FANCL: variants seen among roughly 807,000 people sequenced by gnomAD.
FANCL encodes E3 ubiquitin-protein ligase FANCL.
Under a neutral mutation model 59.4 loss-of-function variants are expected in FANCL, and 69 were observed. That is an observed-to-expected ratio of 1.16 (90% CI 0.96 to 1.42). The LOEUF is 1.42. Ranked by LOEUF, FANCL falls within the 40% of genes most tolerant of loss-of-function variation. The pLI is 0.00. For synonymous variants in FANCL, 180 were observed against 147.1 expected (o/e 1.22, Z -1.62); for missense variants, 519 against 447.2 (o/e 1.16, Z -1.45).
rs569336959 is a variant in FANCL at position 58,209,177 on chromosome 2, A to G, written c.375-4951T>C. ...TAAGTTTTAGCTTGCCAAACACATA[A>G]TAAACTTTTTAATAAGGAATATGAA... is the stretch of plus-strand genomic sequence containing the variant. On this transcript the variant is annotated intron_variant, in intron 5 of 13. Coordinates refer to ENST00000233741, the MANE Select transcript of FANCL (RefSeq NM_018062.4). Among the ~76,000 whole-genome samples the G allele has an allele frequency of 5.9e-5, 9 of 152,328 alleles. No homozygotes were observed. In the South Asian group the frequency reaches 1.7e-3, roughly 28 times the overall value.
Position 58,241,314 on chromosome 2 carries a change from G to A in FANCL, c.-1C>T, listed in dbSNP as rs773164188. The A allele has an allele frequency of 3.1e-6, 5 of 1,614,076 alleles. No individual in the cohort carries two copies. Among genetic ancestry groups the A allele is most frequent in the Middle Eastern group, 1.7e-4 (1 of 6,054 alleles). On this transcript the variant is annotated 5_prime_UTR_variant, in exon 1 of 14. Transcript: ENST00000233741. Reference sequence around the variant, plus strand: ...ACAGGCTCGCTTCCGTCACCGCCATGGCTCGAAGTCCGGAGAAACACAGAA... The same window carrying A: ...ACAGGCTCGCTTCCGTCACCGCCATAGCTCGAAGTCCGGAGAAACACAGAA...
At position 58,210,622 on chromosome 2, in the gene FANCL, T is replaced by G. The variant is rs954036273; in HGVS notation, c.375-6396A>C. ...AAAGTCCACAGTCCAAAGTCTCATC[T>G]AAGACAAGGCAAGTCTCTTCCACCG... On this transcript the variant is annotated intron_variant, in intron 5 of 13. Transcript: ENST00000233741. 9.8e-5 allele frequency among the ~76,000 whole-genome samples: 15 copies of G among 152,306 alleles called. No homozygotes were observed. The South Asian group carries it at 1.2e-3, about 13-fold the overall frequency.
At chr2:58,191,486 T>C (rs1688913415) in intron 7 of FANCL, among the ~76,000 whole-genome samples, 1 of 151,880 alleles carries the variant, frequency 6.6e-6, no homozygotes, top group Admixed American at 6.6e-5. Context: ...CAACATCTCT[T>C]ATCTCTGTTA....
At chr2:58,194,692 C>T (rs967453446) in intron 7 of FANCL, among the ~76,000 whole-genome samples, 1 of 151,946 alleles carries the variant, frequency 6.6e-6, no homozygotes, top group African/African-American at 2.4e-5. Flanking sequence ...TGTGAGACAC[C>T]TGCACTGGCT....
At chr2:58,180,860 G>A (rs368838149) in intron 7 of FANCL, among the ~76,000 whole-genome samples, 2 of 151,818 alleles carry the variant, frequency 1.3e-5, no homozygotes, top group African/African-American at 4.8e-5. Context: ...AAAAGAAATC[G>A]AAACTTTTCA....
intron 4 of FANCL, among the ~76,000 whole-genome samples, chr2:58,225,348 G>C (rs1020414442): frequency 2.6e-5 from 4 of 151,954 alleles, no homozygotes; most frequent in African/African-American, 9.6e-5. Flanking sequence ...TCCAGTATAA[G>C]CTGTACCTCA....
At chr2:58,190,183 G>A (rs187980488) in intron 7 of FANCL, among the ~76,000 whole-genome samples, 54 of 151,950 alleles carry the variant, frequency 3.6e-4, no homozygotes, top group African/African-American at 8.9e-4. Flanking sequence ...CAAGCAATCC[G>A]TAAAGAACAT....
intron 11 of FANCL, among the ~76,000 whole-genome samples, chr2:58,162,332 G>C (rs1685310175): frequency 6.6e-6 from 1 of 151,886 alleles, no homozygotes; most frequent in Non-Finnish European, 1.5e-5. Context: ...TCCATAAACA[G>C]ACTATGTAGA....
chr2:58,208,540 C>T (rs569582635), intron 5 of FANCL, among the ~76,000 whole-genome samples: 13 of 152,220 alleles, frequency 8.5e-5, no homozygotes, highest in Admixed American at 7.8e-4. Context: ...AAATACTGCA[C>T]TTATATTGAC....
intron 7 of FANCL, among the ~76,000 whole-genome samples, chr2:58,196,889 T>C (rs1211460366): frequency 6.6e-6 from 1 of 151,772 alleles, no homozygotes; most frequent in Non-Finnish European, 1.5e-5. Context: ...TTTCTCATGA[T>C]CTCACTTAAA....
At chr2:58,170,848 A>G (rs1241652030) in intron 7 of FANCL, among the ~76,000 whole-genome samples, 1 of 152,212 alleles carries the variant, frequency 6.6e-6, no homozygotes, top group African/African-American at 2.4e-5. Flanking sequence ...TATGCACCCA[A>G]TACAGAAGCA....
intron 7 of FANCL, among the ~76,000 whole-genome samples, 198 bp from the exon 8 acceptor site, chr2:58,166,072 T>C (rs1685922669): frequency 6.6e-6 from 1 of 152,200 alleles, no homozygotes; most frequent in African/African-American, 2.4e-5. Flanking sequence ...TTATTGACAG[T>C]AGACTATACA....
At chr2:58,179,753 C>G (rs1231704074) in intron 7 of FANCL, among the ~76,000 whole-genome samples, 1 of 152,004 alleles carries the variant, frequency 6.6e-6, no homozygotes, top group African/African-American at 2.4e-5. Context: ...CTAAAGAGCT[C>G]CTTCACAGCA....
intron 4 of FANCL, among the ~76,000 whole-genome samples, chr2:58,225,968 A>G (rs1692961206): frequency 6.6e-6 from 1 of 152,058 alleles, no homozygotes; most frequent in Non-Finnish European, 1.5e-5. Context: ...ATAAGAAATT[A>G]TTAACTTTAT....
chr2:58,239,424 C>A (rs1477980664), intron 1 of FANCL, among the ~76,000 whole-genome samples: 1 of 152,178 alleles, frequency 6.6e-6, no homozygotes, highest in Non-Finnish European at 1.5e-5. Context: ...TTCTACCTAA[C>A]AGCCAATCTG....
chr2:58,173,213 G>T (rs898632616), intron 7 of FANCL, among the ~76,000 whole-genome samples: 2 of 152,186 alleles, frequency 1.3e-5, no homozygotes, highest in Non-Finnish European at 2.9e-5. Context: ...AAAACACTCT[G>T]CAGGATATTA....
intron 5 of FANCL, among the ~76,000 whole-genome samples, chr2:58,205,527 C>T (rs568313544): frequency 2.0e-5 from 3 of 152,114 alleles, no homozygotes; most frequent in South Asian, 2.1e-4. Flanking sequence ...TCTTAAAACT[C>T]CCACACTTCA....
intron 1 of FANCL, among the ~76,000 whole-genome samples, chr2:58,238,465 G>T (rs998956667): frequency 3.3e-5 from 5 of 152,158 alleles, no homozygotes; most frequent in Non-Finnish European, 5.9e-5. Context: ...CATCATTACA[G>T]ATCCTAAAGA....
At chr2:58,191,099 C>G (rs1029902447) in intron 7 of FANCL, among the ~76,000 whole-genome samples, 2 of 151,422 alleles carry the variant, frequency 1.3e-5, no homozygotes, top group African/African-American at 4.8e-5. Context: ...TATAAACACC[C>G]ACATATTCCA....
Sources: gnomAD v4.1 joint callset for allele counts (sites outside exome capture counted in the v4.1 genomes callset) on GRCh38, gnomAD v4.1.1 for gene constraint, MANE v1.5 for transcripts, NCBI Gene and HGNC (gene_info 2026-07-23, HGNC 2026-07-21) for gene names.